ADGRG7: variants seen among roughly 807,000 people sequenced by gnomAD.
The protein encoded by ADGRG7 is adhesion G protein-coupled receptor G7.
A neutral mutation model predicts 88.6 loss-of-function variants in ADGRG7; 82 were observed. The ratio of observed to expected loss-of-function variants is 0.93; its 90% confidence interval spans 0.77 to 1.11. The LOEUF is 1.11. Among genes scored for constraint, ADGRG7 ranks in the 50% most tolerant of loss-of-function variants. ADGRG7 has a pLI of 0.00. For synonymous variants in ADGRG7, 381 were observed against 345.2 expected (o/e 1.10, Z -1.15); for missense variants, 945 against 953.4 (o/e 0.99, Z 0.12).
intron 1 of ADGRG7, among the ~76,000 whole-genome samples, chr3:100,619,188 A>G (rs578091283): frequency 2.4e-4 from 36 of 152,300 alleles, no homozygotes; most frequent in African/African-American, 8.4e-4. Flanking sequence ...GTAAAAGAAC[A>G]GAAATCATAA....
Position 100,652,894 on chromosome 3 carries a change from T to C in ADGRG7, c.1380-1941T>C, listed in dbSNP as rs1198522647. Among the ~76,000 whole-genome samples the C allele has an allele frequency of 2.0e-5, 3 of 152,038 alleles. No individual in the cohort carries two copies. In the East Asian group the frequency reaches 5.8e-4, roughly 29 times the overall value. ...AGCTGCTCTTTTAGAGCAAAGACAT[T>C]AGGTAAGCATGAGAAGGGAAAAAAA... On this transcript the variant is annotated intron_variant, in intron 11 of 15. Coordinates refer to ENST00000273352, the MANE Select transcript of ADGRG7 (RefSeq NM_032787.3).
rs530507711 is a variant in ADGRG7, at chr3:100,612,050, T to C, written c.115+2079T>C. 2.6e-5 allele frequency among the ~76,000 whole-genome samples: 4 copies of C among 152,296 alleles called. No homozygotes were observed. In the East Asian group the frequency reaches 5.8e-4, roughly 22 times the overall value. On this transcript the variant is annotated intron_variant, in intron 1 of 15. Transcript: ENST00000273352. ...TATAAATGTCTTAGTAGGGAAAATA[T>C]ATATAAACACACAAAATTTTGCATA...
Position 100,659,833 on chromosome 3 carries a change from A to T in ADGRG7, c.1969A>T (p.Asn657Tyr). 1 of 1,613,670 alleles carries T rather than the reference A, an allele frequency of 6.2e-7. No homozygotes were observed. The highest frequency in any genetic ancestry group is 8.5e-7 in the Non-Finnish European group (1 of 1,179,798). The change falls in exon 14 of 16, where the codon AAC (asparagine) becomes TAC (tyrosine). Residue 657 changes from asparagine to tyrosine, a missense_variant. Transcript: ENST00000273352. ...CAAAGTGCTGTGGAAGAATAACCAGAACCTGACAAGGTAAGATTCCCAATG... is the reference window on the plus strand; with the variant it reads ...CAAAGTGCTGTGGAAGAATAACCAGTACCTGACAAGGTAAGATTCCCAATG... Reference protein sequence around the residue: ...SIKVLWKNNQNLTSTKKVSSM... With the variant: ...SIKVLWKNNQYLTSTKKVSSM...
rs114907642 is a variant in ADGRG7 at position 100,667,952 on chromosome 3, G to C, written c.1980-997G>C. 6.7e-3 allele frequency among the ~76,000 whole-genome samples: 1,025 copies of C among 152,310 alleles called. 17 individuals carry two copies. The highest frequency in any genetic ancestry group is 0.023 in the African/African-American group (975 of 41,574). ...ACCATAGGGAATCTCCTGGTTTGTG[G>C]GTTTCAAAGACCGTGGGACAAGCGC... On this transcript the variant is annotated intron_variant, in intron 14 of 15. Coordinates refer to ENST00000273352, the MANE Select transcript of ADGRG7 (RefSeq NM_032787.3).
chr3:100,678,025 C>T (rs559733561), intron 15 of ADGRG7, among the ~76,000 whole-genome samples: 1 of 152,040 alleles, frequency 6.6e-6, no homozygotes, highest in Non-Finnish European at 1.5e-5. Flanking sequence ...ACTGACCTCT[C>T]TCTACCTCAT....
At chr3:100,621,169 C>T (rs1312518477) in intron 1 of ADGRG7, among the ~76,000 whole-genome samples, 1 of 152,056 alleles carries the variant, frequency 6.6e-6, no homozygotes, top group Non-Finnish European at 1.5e-5. Flanking sequence ...TCTCTATTCC[C>T]CGAGACACAA....
chr3:100,637,676 G>A (rs962200542), intron 6 of ADGRG7: 10 of 355,576 alleles, frequency 2.8e-5, no homozygotes, highest in African/African-American at 2.1e-4. Context: ...CCTCACCTTA[G>A]TTTGGCATGA....
chr3:100,634,602 G>C (rs765552366), intron 4 of ADGRG7, among the ~76,000 whole-genome samples: 52 of 152,164 alleles, frequency 3.4e-4, no homozygotes, highest in Non-Finnish European at 6.6e-4. Context: ...AGATGGGCAG[G>C]GTAGGGGTTG....
At chr3:100,684,499 C>T (rs1426948421) in intron 15 of ADGRG7, among the ~76,000 whole-genome samples, 1 of 152,046 alleles carries the variant, frequency 6.6e-6, no homozygotes, top group African/African-American at 2.4e-5. Flanking sequence ...AACTCCTGGG[C>T]TCAAGTGGTC....
At chr3:100,691,360 T>TACCCACTGTCTTGC (rs1403381494) in intron 15 of ADGRG7, among the ~76,000 whole-genome samples, 5 of 152,120 alleles carry the variant, frequency 3.3e-5, no homozygotes, top group Non-Finnish European at 5.9e-5. Flanking sequence ...TGGTGCTCTG[T>TACCCACTGTCTTGC]ACCCACTGTC....
chr3:100,620,958 C>T (rs1033369405), intron 1 of ADGRG7, among the ~76,000 whole-genome samples: 1 of 152,010 alleles, frequency 6.6e-6, no homozygotes, highest in East Asian at 1.9e-4. Context: ...GTAATTCTCA[C>T]AATATGTCAA....
chr3:100,616,711 C>T (rs1273921793), intron 1 of ADGRG7, among the ~76,000 whole-genome samples: 1 of 152,154 alleles, frequency 6.6e-6, no homozygotes, highest in Non-Finnish European at 1.5e-5. Flanking sequence ...GTCTCAGCTA[C>T]TGGGGAGACT....
intron 1 of ADGRG7, among the ~76,000 whole-genome samples, chr3:100,622,839 G>A (rs1169089316): frequency 1.3e-5 from 2 of 151,748 alleles, no homozygotes; most frequent in Admixed American, 1.3e-4. Context: ...TTGGCTCACT[G>A]CAACTTCTGC....
chr3:100,629,071 G>A (rs1707420277), intron 1 of ADGRG7, among the ~76,000 whole-genome samples: 1 of 152,076 alleles, frequency 6.6e-6, no homozygotes, highest in African/African-American at 2.4e-5. Context: ...AGACACATCA[G>A]AACTTTCCAT....
intron 1 of ADGRG7, among the ~76,000 whole-genome samples, chr3:100,617,568 C>A (rs906783531): frequency 6.6e-6 from 1 of 152,168 alleles, no homozygotes; most frequent in East Asian, 1.9e-4. Context: ...TTTATGGCTG[C>A]ATAGTATTCC....
At chr3:100,665,336 C>T (rs1326905320) in intron 14 of ADGRG7, 12 of 540,716 alleles carry the variant, frequency 2.2e-5, no homozygotes, top group Non-Finnish European at 2.7e-5. Context: ...TACCCTCAAG[C>T]TCCTCATCCA....
At chr3:100,655,692 A>G (rs1436105784) in intron 12 of ADGRG7, among the ~76,000 whole-genome samples, 1 of 152,232 alleles carries the variant, frequency 6.6e-6, no homozygotes, top group African/African-American at 2.4e-5. Context: ...ATTGATATGT[A>G]GAGCCATCAG....
chr3:100,637,098 T>G (rs1222935512), intron 5 of ADGRG7, among the ~76,000 whole-genome samples: 1 of 152,218 alleles, frequency 6.6e-6, no homozygotes, highest in Non-Finnish European at 1.5e-5. Flanking sequence ...ACTACCTTAA[T>G]TTATATTTTC....
chr3:100,677,952 A>G (rs2149038663), intron 15 of ADGRG7, among the ~76,000 whole-genome samples: 1 of 152,170 alleles, frequency 6.6e-6, no homozygotes, highest in East Asian at 1.9e-4. Context: ...GTACTTGAGC[A>G]TTGATATCTT....
Sources: allele counts gnomAD v4.1 joint callset (sites outside exome capture counted in the v4.1 genomes callset), GRCh38; gene constraint gnomAD v4.1.1; transcripts MANE v1.5; gene names NCBI Gene and HGNC (gene_info 2026-07-23, HGNC 2026-07-21).